The following RBFOX1 variants were observed in gnomAD, a reference collection of about 807,000 sequenced individuals.
RBFOX1 encodes the protein RNA binding fox-1 homolog 1, also known as RNA binding protein fox-1 homolog 1.
Under a neutral mutation model 57.7 loss-of-function variants are expected in RBFOX1, and 8 were observed. The observed-to-expected ratio is 0.14, with a 90% CI of 0.08 to 0.25. RBFOX1 has a LOEUF of 0.25. Ranked by LOEUF, RBFOX1 falls within the 10% of genes least tolerant of loss-of-function variation. The pLI is 1.00. For synonymous variants in RBFOX1, 326 were observed against 222.4 expected (o/e 1.47, Z -4.15); for missense variants, 611 against 548.5 (o/e 1.11, Z -1.14).
At chr16:7,526,981 A>G (rs553597006) in intron 5 of RBFOX1, among the ~76,000 whole-genome samples, 4 of 152,328 alleles carry the variant, frequency 2.6e-5, no homozygotes, top group South Asian at 4.1e-4. Context: ...TGTTGCAGAA[A>G]GGAATTACTC....
At chr16:7,682,745 A>G (rs1253614749) in intron 14 of RBFOX1, among the ~76,000 whole-genome samples, 1 of 151,358 alleles carries the variant, frequency 6.6e-6, no homozygotes, top group Non-Finnish European at 1.5e-5. Flanking sequence ...CTCCAGGTTG[A>G]GCACGTGTAC....
intron 1 of RBFOX1, among the ~76,000 whole-genome samples, chr16:6,300,513 A>G (rs1274309017): frequency 6.6e-6 from 1 of 152,198 alleles, no homozygotes; most frequent in Non-Finnish European, 1.5e-5. Flanking sequence ...TATTAGCGAG[A>G]CTTGCACCTG....
chr16:6,869,847 C>G (rs1463630774), intron 3 of RBFOX1, among the ~76,000 whole-genome samples: 2 of 152,102 alleles, frequency 1.3e-5, no homozygotes, highest in African/African-American at 4.8e-5. Context: ...TCACGGGAAT[C>G]AGGAATGAAG....
At chr16:5,314,978 C>T (rs1351002064) in intron 1 of RBFOX1, among the ~76,000 whole-genome samples, 1 of 152,006 alleles carries the variant, frequency 6.6e-6, no homozygotes, top group African/African-American at 2.4e-5. Context: ...CCGAGGACCA[C>T]AGAAGTCATA....
intron 3 of RBFOX1, among the ~76,000 whole-genome samples, chr16:6,840,466 A>G (rs2141420633): frequency 6.6e-6 from 1 of 152,290 alleles, no homozygotes; most frequent in African/African-American, 2.4e-5. Context: ...CTATTGGCTG[A>G]ATGTTCATGT....
At chr16:6,655,550 G>T (rs1039983315) in intron 3 of RBFOX1, among the ~76,000 whole-genome samples, 2 of 152,010 alleles carry the variant, frequency 1.3e-5, no homozygotes, top group Non-Finnish European at 2.9e-5. Flanking sequence ...TACACTTAAT[G>T]TGAATCCCCT....
chr16:5,520,322 C>T (rs997731622), intron 2 of RBFOX1, among the ~76,000 whole-genome samples: 6 of 152,176 alleles, frequency 3.9e-5, no homozygotes, highest in African/African-American at 1.4e-4. Flanking sequence ...CTTGAAATGG[C>T]TTGAAGTCCA....
intron 2 of RBFOX1, among the ~76,000 whole-genome samples, chr16:6,537,344 G>T (rs573674872): frequency 6.6e-6 from 1 of 152,320 alleles, no homozygotes. Context: ...ATTGCATCCA[G>T]AGGAGAAATG....
chr16:7,168,859 C>G (rs1000654325), intron 4 of RBFOX1, among the ~76,000 whole-genome samples: 7 of 152,160 alleles, frequency 4.6e-5, no homozygotes, highest in Non-Finnish European at 1.0e-4. Context: ...AACAAATATA[C>G]TTTCAAATAG....
chr16:6,138,392 G>T (rs1440515943), intron 1 of RBFOX1, among the ~76,000 whole-genome samples: 4 of 152,206 alleles, frequency 2.6e-5, no homozygotes. Context: ...AAGTCAACGT[G>T]TCAGCCTGGT....
At chr16:5,254,555 C>T (rs1169926654) in intron 1 of RBFOX1, among the ~76,000 whole-genome samples, 3 of 152,172 alleles carry the variant, frequency 2.0e-5, no homozygotes, top group Non-Finnish European at 4.4e-5. Context: ...TTCAGTTATG[C>T]AAAATTAACA....
intron 4 of RBFOX1, among the ~76,000 whole-genome samples, chr16:7,079,092 C>G (rs1378241825): frequency 1.3e-5 from 2 of 151,924 alleles, no homozygotes; most frequent in South Asian, 2.1e-4. Flanking sequence ...TTACGTGTAT[C>G]TATCCCATAT....
intron 4 of RBFOX1, among the ~76,000 whole-genome samples, chr16:7,211,289 G>A (rs1048301896): frequency 2.6e-5 from 4 of 151,330 alleles, no homozygotes; most frequent in Admixed American, 6.6e-5. Flanking sequence ...CTTCTCGGGA[G>A]GCTGAGGCAG....
chr16:5,925,042 A>C (rs2058913417), intron 4 of RBFOX1, among the ~76,000 whole-genome samples: 2 of 152,174 alleles, frequency 1.3e-5, no homozygotes, highest in Non-Finnish European at 2.9e-5. Flanking sequence ...TTTAGCACAG[A>C]CACCTACTGA....
chr16:7,352,468 T>TG (rs1458771064), intron 4 of RBFOX1, among the ~76,000 whole-genome samples: 1 of 152,114 alleles, frequency 6.6e-6, no homozygotes, highest in Admixed American at 6.5e-5. Flanking sequence ...TCTGAAGACG[T>TG]GGGGTGGGTA....
At chr16:7,038,364 G>A (rs774995355) in intron 3 of RBFOX1, among the ~76,000 whole-genome samples, 15 of 152,122 alleles carry the variant, frequency 9.9e-5, no homozygotes, top group Admixed American at 3.9e-4. Flanking sequence ...GATTGCTTTC[G>A]CTGCTGAAAC....
Position 6,554,847 on chromosome 16 carries a change from C to G in RBFOX1, c.-63-99756C>G, listed in dbSNP as rs142760092. On this transcript the variant is annotated intron_variant, in intron 2 of 15. Coordinates refer to ENST00000550418, the MANE Select transcript of RBFOX1 (RefSeq NM_018723.4). ...AGACACACACAGACTCTCCCTCTCA[C>G]TCTCGCTCTGTCGCTCTCTCTCTCA... is the stretch of plus-strand genomic sequence containing the variant. Among the ~76,000 whole-genome samples, 580 of 149,592 alleles carry G rather than the reference C, an allele frequency of 3.9e-3. 9 individuals carry two copies. The highest frequency in any genetic ancestry group is 0.014 in the African/African-American group (539 of 38,994).
downstream of RBFOX1, among the ~76,000 whole-genome samples, chr16:5,604,336 C>G (rs1378469343): frequency 6.6e-6 from 1 of 152,176 alleles, no homozygotes; most frequent in South Asian, 2.1e-4. Context: ...AAGCTGCAGG[C>G]AAGGGAGTTG....
At chr16:6,888,794 C>T (rs960269219) in intron 3 of RBFOX1, among the ~76,000 whole-genome samples, 2 of 152,120 alleles carry the variant, frequency 1.3e-5, no homozygotes, top group Admixed American at 6.6e-5. Context: ...TTATTTCACC[C>T]TATTGTGTTA....
Sources: allele counts gnomAD v4.1 joint callset (sites outside exome capture counted in the v4.1 genomes callset), GRCh38; gene constraint gnomAD v4.1.1; transcripts MANE v1.5; gene names NCBI Gene and HGNC (gene_info 2026-07-23, HGNC 2026-07-21).